Variants in CSMD1 observed in about 807,000 individuals in gnomAD.
CSMD1 encodes CUB and Sushi multiple domains 1.
A neutral mutation model predicts 417.5 loss-of-function variants in CSMD1; 213 were observed. That is an observed-to-expected ratio of 0.51 (90% CI 0.46 to 0.57). CSMD1 has a LOEUF of 0.57. Ranked by LOEUF, CSMD1 falls within the 20% of genes least tolerant of loss-of-function variation. CSMD1 has a pLI of 0.00. For missense variants in CSMD1, 6,923 were observed against 4,529.7 expected (o/e 1.53, Z -15.17); for synonymous variants, 2,862 against 1,736.8 (o/e 1.65, Z -16.11).
intron 13 of CSMD1, among the ~76,000 whole-genome samples, chr8:3,409,097 C>G (rs1429054948): frequency 6.6e-6 from 1 of 152,188 alleles, no homozygotes; most frequent in Non-Finnish European, 1.5e-5. Flanking sequence ...ACAAAGGACT[C>G]TGTTGCTGTA....
At chr8:3,956,442 C>G (rs1365391682) in intron 5 of CSMD1, among the ~76,000 whole-genome samples, 6 of 152,214 alleles carry the variant, frequency 3.9e-5, no homozygotes, top group African/African-American at 1.4e-4. Flanking sequence ...TATGCTGTTG[C>G]CTTGTGATAG....
chr8:4,130,979 C>G (rs1803067286), intron 3 of CSMD1, among the ~76,000 whole-genome samples: 1 of 152,098 alleles, frequency 6.6e-6, no homozygotes. Flanking sequence ...ATACTTTGGT[C>G]TTAAAAGTCT....
intron 7 of CSMD1, among the ~76,000 whole-genome samples, chr8:3,706,887 G>C (rs1030971047): frequency 1.8e-4 from 28 of 152,094 alleles, no homozygotes; most frequent in South Asian, 2.1e-4. Context: ...CTGTTTCTCA[G>C]ATTTTTTTCC....
At chr8:3,228,003 A>AGT (rs1215761957) in intron 27 of CSMD1, among the ~76,000 whole-genome samples, 1 of 152,160 alleles carries the variant, frequency 6.6e-6, no homozygotes, top group Non-Finnish European at 1.5e-5. Context: ...CCTGATGTCA[A>AGT]GTGATCTGCC....
At chr8:3,182,791 C>T (rs370796451) in intron 36 of CSMD1, among the ~76,000 whole-genome samples, 1 of 94,412 alleles carries the variant, frequency 1.1e-5, no homozygotes, top group Non-Finnish European at 2.0e-5. Context: ...GTGGTTTCAC[C>T]GTGTTAGCCA....
At chr8:3,272,666 C>A (rs1166567267) in intron 26 of CSMD1, among the ~76,000 whole-genome samples, 1 of 138,878 alleles carries the variant, frequency 7.2e-6, no homozygotes, top group Non-Finnish European at 1.6e-5. Flanking sequence ...AAGTTGGATT[C>A]CTAGGTATTT....
In CSMD1 at chr8:3,468,550, G is replaced by A. The variant is rs117711870; in HGVS notation, c.1561+162C>T. On this transcript the variant is annotated intron_variant, in intron 12 of 69. Transcript: ENST00000635120. ...TCAGAAGTTAAACATTCTCATTCACGAAAGCGAGTGTTAGTAGACTTTAAG... is the reference window on the plus strand; with the variant it reads ...TCAGAAGTTAAACATTCTCATTCACAAAAGCGAGTGTTAGTAGACTTTAAG... 1.1e-3 allele frequency among the ~76,000 whole-genome samples: 169 copies of A among 152,182 alleles called. 1 individual carries two copies. The East Asian group carries it at 0.025, about 22-fold the overall frequency.
At chr8:4,277,259 C>G (rs184580192) in intron 3 of CSMD1, among the ~76,000 whole-genome samples, 8 of 151,930 alleles carry the variant, frequency 5.3e-5, no homozygotes, top group African/African-American at 1.9e-4. Flanking sequence ...TTAAGAATTT[C>G]TTATGAAGTT....
intron 30 of CSMD1, among the ~76,000 whole-genome samples, chr8:3,213,779 A>G (rs1797740518): frequency 6.6e-6 from 1 of 150,578 alleles, no homozygotes. Context: ...GTGTGTGTGT[A>G]TGTATATATA....
chr8:3,733,891 G>A (rs984579402), intron 6 of CSMD1, among the ~76,000 whole-genome samples: 2 of 152,086 alleles, frequency 1.3e-5, no homozygotes, highest in East Asian at 1.9e-4. Context: ...TACAAAGTAC[G>A]AGAAAAGCAT....
intron 3 of CSMD1, among the ~76,000 whole-genome samples, chr8:4,230,300 C>T (rs1468496936): frequency 6.6e-6 from 1 of 152,022 alleles, no homozygotes. Context: ...ACATTTAATC[C>T]TCAATTAATC....
chr8:4,413,438 G>GTC (rs1796756591), intron 3 of CSMD1, among the ~76,000 whole-genome samples: 1 of 152,120 alleles, frequency 6.6e-6, no homozygotes, highest in Admixed American at 6.6e-5. Context: ...GCAGTTCAGC[G>GTC]TCTCTCTTCT....
At chr8:4,749,530 T>G (rs1411597480) in intron 1 of CSMD1, among the ~76,000 whole-genome samples, 1 of 152,228 alleles carries the variant, frequency 6.6e-6, no homozygotes, top group African/African-American at 2.4e-5. Context: ...ATTTTATTTT[T>G]ATTTTACTCT....
In CSMD1 at chr8:3,796,071, A is replaced by G. The variant is rs1271769008; in HGVS notation, c.819-42029T>C. Among the ~76,000 whole-genome samples, 46 of 40,082 alleles carry G rather than the reference A, an allele frequency of 1.1e-3. 9 individuals are homozygous for G. The highest frequency in any genetic ancestry group is 3.5e-3 in the African/African-American group (46 of 13,216). 26.3% of individuals were successfully genotyped at this position (40,082 alleles called of 152,430 possible). ...TCATAGATATAGATATATATCTATCATAGATATAGATATATATCTATCATA... is the reference window on the plus strand; with the variant it reads ...TCATAGATATAGATATATATCTATCGTAGATATAGATATATATCTATCATA... On this transcript the variant is annotated intron_variant, in intron 5 of 69. Coordinates refer to ENST00000635120, the MANE Select transcript of CSMD1 (RefSeq NM_033225.6).
At chr8:3,746,387 T>C (rs955459897) in intron 6 of CSMD1, among the ~76,000 whole-genome samples, 2 of 152,252 alleles carry the variant, frequency 1.3e-5, no homozygotes, top group African/African-American at 4.8e-5. Context: ...ATACCATTGT[T>C]GGCCCCCAAT....
intron 42 of CSMD1, among the ~76,000 whole-genome samples, chr8:3,111,567 C>G (rs756824659): frequency 5.3e-5 from 8 of 152,062 alleles, no homozygotes; most frequent in Admixed American, 1.3e-4. Context: ...CACGGTGGCT[C>G]ACTTCTGTAA....
intron 7 of CSMD1, among the ~76,000 whole-genome samples, chr8:3,706,058 G>C (rs928386065): frequency 6.6e-6 from 1 of 152,246 alleles, no homozygotes; most frequent in Non-Finnish European, 1.5e-5. Flanking sequence ...AACGCCTAAG[G>C]CACGCATGAC....
At chr8:3,791,581 T>TG (rs1799743968) in intron 5 of CSMD1, among the ~76,000 whole-genome samples, 1 of 152,194 alleles carries the variant, frequency 6.6e-6, no homozygotes, top group Non-Finnish European at 1.5e-5. Context: ...CCCAGCACTT[T>TG]GGGAGGCCTA....
At position 4,558,450 on chromosome 8, in the gene CSMD1, T is replaced by C. The variant is rs1490913566; in HGVS notation, c.302+78892A>G. ...TTTTTAACCTAATAATCAGCTTAAG[T>C]GAGGGTTGCAGTTTGACTTCAAAGT... On this transcript the variant is annotated intron_variant, in intron 2 of 69. Transcript: ENST00000635120. Among the ~76,000 whole-genome samples the C allele has an allele frequency of 3.9e-5, 6 of 152,146 alleles. No individual in the cohort carries two copies. The East Asian group carries it at 1.2e-3, about 29-fold the overall frequency.
Sources: gnomAD v4.1 joint callset for allele counts (sites outside exome capture counted in the v4.1 genomes callset) on GRCh38, gnomAD v4.1.1 for gene constraint, MANE v1.5 for transcripts, NCBI Gene and HGNC (gene_info 2026-07-23, HGNC 2026-07-21) for gene names.